ZSCAN25: variants seen among roughly 807,000 people sequenced by gnomAD.
ZSCAN25 encodes the protein zinc finger and SCAN domain-containing protein 25.
In ZSCAN25, 27 loss-of-function variants were observed where a neutral mutation model predicts 38.7. The ratio of observed to expected loss-of-function variants is 0.70; its 90% confidence interval spans 0.51 to 0.96. The LOEUF is 0.96. ZSCAN25 is among the 40% of genes least tolerant of loss of function. The pLI is 0.00. For synonymous variants in ZSCAN25, 273 were observed against 277.7 expected (o/e 0.98, Z 0.17); for missense variants, 637 against 705.9 (o/e 0.90, Z 1.11).
chr7:99,629,079 C>T lies in ZSCAN25; in HGVS notation c.806-112C>T. The stretch of plus-strand genomic sequence containing the variant: ...GAAAGCCTGAGTTGAGGTTGTTGGT[C>T]AAAGGAAAAAAGAGAAGGAACCATG... On this transcript the variant is annotated intron_variant, in intron 7 of 7. Transcript: ENST00000394152. The surrounding 1 kb of genome is among the most constrained non-coding windows in gnomAD (Gnocchi z 5.6). The T allele has an allele frequency of 7.0e-7, 1 of 1,436,832 alleles. No homozygotes were observed. Among genetic ancestry groups the T allele is most frequent in the Non-Finnish European group, 9.3e-7 (1 of 1,075,252 alleles). 89.0% of individuals were successfully genotyped at this position (1,436,832 alleles called of 1,614,324 possible).
At chr7:99,626,427 C>A (rs1467392384) in intron 7 of ZSCAN25, among the ~76,000 whole-genome samples, 2 of 152,044 alleles carry the variant, frequency 1.3e-5, no homozygotes, top group Non-Finnish European at 2.9e-5. Context: ...TACGGCCAGT[C>A]TGGAGGGTTG....
chr7:99,734,982 G>A, the ZSCAN25 span: 2 of 1,613,508 alleles, frequency 1.2e-6, no homozygotes, highest in Non-Finnish European at 8.5e-7. Flanking sequence ...AGCACCCCAA[G>A]TCCAAGGAAA....
chr7:99,725,796 AG>A, the ZSCAN25 span, among the ~76,000 whole-genome samples: 5 of 152,144 alleles, frequency 3.3e-5, no homozygotes, highest in Non-Finnish European at 1.5e-5. Flanking sequence ...GCCAAACTTC[AG>A]GTAACTCTTA....
the ZSCAN25 span, among the ~76,000 whole-genome samples, chr7:99,702,125 T>C: frequency 6.7e-6 from 1 of 150,108 alleles, no homozygotes; most frequent in African/African-American, 2.5e-5. Context: ...AGTCTTACTC[T>C]GTTGCCCAGG....
At chr7:99,640,457 C>T in the ZSCAN25 span, among the ~76,000 whole-genome samples, 1 of 152,206 alleles carries the variant, frequency 6.6e-6, no homozygotes, top group African/African-American at 2.4e-5. Flanking sequence ...CGCACCTGGC[C>T]TCTCCCTTAT....
the ZSCAN25 span, among the ~76,000 whole-genome samples, chr7:99,716,182 A>G: frequency 6.6e-6 from 1 of 152,206 alleles, no homozygotes; most frequent in Admixed American, 6.5e-5. Flanking sequence ...ACAGAGATCC[A>G]CTATCAGACA....
At chr7:99,658,619 A>G in the ZSCAN25 span, among the ~76,000 whole-genome samples, 2 of 152,070 alleles carry the variant, frequency 1.3e-5, no homozygotes, top group Non-Finnish European at 2.9e-5. Flanking sequence ...CTGAATTTGA[A>G]TGTTGGCCTG....
At chr7:99,661,387 C>T in the ZSCAN25 span, among the ~76,000 whole-genome samples, 3 of 152,154 alleles carry the variant, frequency 2.0e-5, no homozygotes, top group Admixed American at 6.5e-5. Flanking sequence ...AATACAAGAT[C>T]TAGGGTACAG....
chr7:99,715,650 C>T, the ZSCAN25 span: 1 of 1,569,904 alleles, frequency 6.4e-7, no homozygotes, highest in Non-Finnish European at 8.7e-7. Context: ...GTACTACAAA[C>T]CATTAAACTG....
At chr7:99,699,061 G>A in the ZSCAN25 span, among the ~76,000 whole-genome samples, 1 of 152,140 alleles carries the variant, frequency 6.6e-6, no homozygotes, top group Non-Finnish European at 1.5e-5. Flanking sequence ...AGGATGCCAG[G>A]AATCCCACCA....
At chr7:99,617,795 G>A (rs1388250278) in intron 1 of ZSCAN25, among the ~76,000 whole-genome samples, 4 of 152,130 alleles carry the variant, frequency 2.6e-5, no homozygotes, top group African/African-American at 9.7e-5. Flanking sequence ...ATAGCAATGG[G>A]GCAATTTCTA....
chr7:99,643,754 G>A, the ZSCAN25 span, among the ~76,000 whole-genome samples: 33 of 151,920 alleles, frequency 2.2e-4, no homozygotes, highest in African/African-American at 7.5e-4. Context: ...TTGTGAGATC[G>A]TGTAGGCTTG....
the ZSCAN25 span, among the ~76,000 whole-genome samples, chr7:99,725,451 A>C: frequency 0.76 from 115,897 of 152,130 alleles, 47,126 homozygotes; most frequent in Non-Finnish European, 0.91. Flanking sequence ...AGACAACCCA[A>C]GACCATGTCT....
At chr7:99,617,898 G>C (rs1806607697) in intron 1 of ZSCAN25, among the ~76,000 whole-genome samples, 1 of 152,246 alleles carries the variant, frequency 6.6e-6, no homozygotes. Context: ...CATTTGCACT[G>C]TAGTGCATTA....
the ZSCAN25 span, chr7:99,710,800 C>A: frequency 6.2e-7 from 1 of 1,613,852 alleles, no homozygotes; most frequent in Admixed American, 1.7e-5. Flanking sequence ...GTGGCCAGTT[C>A]ATATATAATG....
the ZSCAN25 span, among the ~76,000 whole-genome samples, chr7:99,658,613 A>G: frequency 1.3e-5 from 2 of 152,014 alleles, no homozygotes; most frequent in Admixed American, 1.3e-4. Context: ...TATTTCCTGA[A>G]TTTGAATGTT....
the ZSCAN25 span, chr7:99,652,376 G>A: frequency 0.051 from 25,446 of 498,110 alleles, 951 homozygotes; most frequent in African/African-American, 0.12. Flanking sequence ...GATGGATGTA[G>A]TTTCGTTTTT....
chr7:99,621,209 C>A, intron 4 of ZSCAN25, 164 bp from the exon 5 acceptor site: 1 of 526,050 alleles, frequency 1.9e-6, no homozygotes, highest in Non-Finnish European at 3.0e-6. Context: ...TTCCTTTTCA[C>A]TTCCTCACTA....
At chr7:99,720,447 C>G in the ZSCAN25 span, 2 of 1,611,112 alleles carry the variant, frequency 1.2e-6, no homozygotes, top group Non-Finnish European at 1.7e-6. Context: ...TAAACATCAA[C>G]AGCCTTATGC....
Sources: allele counts gnomAD v4.1 joint callset (sites outside exome capture counted in the v4.1 genomes callset), GRCh38; gene constraint gnomAD v4.1.1; non-coding constraint Gnocchi (gnomAD v3.1); transcripts MANE v1.5; gene names NCBI Gene and HGNC (gene_info 2026-07-23, HGNC 2026-07-21).